ZBTB48: variants seen among roughly 807,000 people sequenced by gnomAD.
ZBTB48 encodes the protein zinc finger and BTB domain containing 48, also known as zinc finger and BTB domain-containing protein 48.
Under a neutral mutation model 64.5 loss-of-function variants are expected in ZBTB48, and 35 were observed. That is an observed-to-expected ratio of 0.54 (90% CI 0.41 to 0.72). The LOEUF (loss-of-function observed/expected upper bound fraction) is 0.72. Ranked by LOEUF, ZBTB48 falls within the 30% of genes least tolerant of loss-of-function variation. The pLI is 0.00. For synonymous variants in ZBTB48, 442 were observed against 356.7 expected (o/e 1.24, Z -2.70); for missense variants, 828 against 895.3 (o/e 0.92, Z 0.96).
At chr1:6,588,501 G>C (rs753551765) in intron 9 of ZBTB48, 59 bp downstream of exon 9, 514 of 1,459,518 alleles carry the variant, frequency 3.5e-4, no homozygotes, top group Non-Finnish European at 4.4e-4. Flanking sequence ...GGGTCTCTGA[G>C]GAGGAAACGC....
chr1:6,583,857 A>G (rs1334376491), intron 3 of ZBTB48, among the ~76,000 whole-genome samples: 1 of 134,778 alleles, frequency 7.4e-6, no homozygotes, highest in Non-Finnish European at 1.6e-5. Context: ...TAAGCTCACT[A>G]CAACCTCTGC....
intron 3 of ZBTB48, chr1:6,585,335 G>C (rs915220071): frequency 6.5e-6 from 1 of 154,286 alleles, no homozygotes; most frequent in African/African-American, 2.4e-5. Context: ...AAGCAGGCAA[G>C]GGGAGGGCTG....
chr1:6,581,011 C>A lies in ZBTB48; in HGVS notation c.402C>A (p.Ala134=), dbSNP rs757506774. 56 of 1,613,328 alleles carry A rather than the reference C, an allele frequency of 3.5e-5. No homozygotes were observed. The highest frequency in any genetic ancestry group is 4.6e-5 in the Non-Finnish European group (54 of 1,180,024). ...GCCAGAGTGGGCTGGGGCCCCCTGC[C>A]TCCCAGAATGTGAACAGCCACGTCA... ...AGGQSGLGPP[A]SQNVNSHVKE... The change falls in exon 2 of 11, where the codon GCC becomes GCA. Residue 134 remains alanine (A), a synonymous_variant. Transcript: ENST00000377674.
intron 3 of ZBTB48, among the ~76,000 whole-genome samples, chr1:6,582,889 C>G (rs1030916623): frequency 1.3e-5 from 2 of 152,186 alleles, no homozygotes; most frequent in Non-Finnish European, 2.9e-5. Flanking sequence ...AGGCTGGTCT[C>G]AAACTCCTGG....
chr1:6,586,675 C>A lies in ZBTB48; in HGVS notation c.1045-20C>A. 6.5e-7 allele frequency: 1 copy of A among 1,528,020 alleles called. No individual in the cohort carries two copies. The allele number at this position is 1,528,020 out of a possible 1,614,324, so 94.7% of individuals were successfully genotyped here. ...GAGGCCCCCGCTGATGCCGGCCCTGCTTGCCCCTCACACTGCCAGGTCTTC... is the reference window on the plus strand; with the variant it reads ...GAGGCCCCCGCTGATGCCGGCCCTGATTGCCCCTCACACTGCCAGGTCTTC... On this transcript the variant is annotated intron_variant, in intron 4 of 10. Transcript: ENST00000377674.
At chr1:6,586,977 G>C (rs1158595212) in intron 5 of ZBTB48, 190 bp downstream of exon 5, 5 of 875,646 alleles carry the variant, frequency 5.7e-6, no homozygotes, top group Non-Finnish European at 9.3e-6. Context: ...TCACCTCCAA[G>C]GTCCTTATTA....
intron 3 of ZBTB48, among the ~76,000 whole-genome samples, chr1:6,585,128 G>C (rs1318011717): frequency 6.6e-6 from 1 of 152,126 alleles, no homozygotes; most frequent in East Asian, 1.9e-4. Context: ...AAGTAGCCAG[G>C]GTCTCTAGAG....
intron 3 of ZBTB48, among the ~76,000 whole-genome samples, chr1:6,583,927 G>A (rs1004781637): frequency 2.6e-5 from 4 of 151,694 alleles, no homozygotes; most frequent in African/African-American, 7.3e-5. Flanking sequence ...TTACAGGCAC[G>A]CGCCACCACA....
At chr1:6,588,523 C>CT in intron 9 of ZBTB48, 81 bp downstream of exon 9, 1 of 1,451,376 alleles carries the variant, frequency 6.9e-7, no homozygotes, top group Non-Finnish European at 9.1e-7. Flanking sequence ...CCTTTCTTGC[C>CT]TGTGAACCTC....
At chr1:6,587,450 T>TCCC (rs1317321860) in intron 6 of ZBTB48, 28 bp from the exon 7 acceptor site, 2 of 1,613,240 alleles carry the variant, frequency 1.2e-6, no homozygotes, top group Non-Finnish European at 1.7e-6. Context: ...CCCTGGTCCC[T>TCCC]CCCTCTGCCT....
Position 6,584,042 on chromosome 1 carries a change from A to G in ZBTB48, c.932+1743A>G, listed in dbSNP as rs1640572352. ...TGTGATCCACCTGCCTCAGCCTCCCAAAGTGCTGGGATTACAGGCGTGAGC... is the reference window on the plus strand; with the variant it reads ...TGTGATCCACCTGCCTCAGCCTCCCGAAGTGCTGGGATTACAGGCGTGAGC... On this transcript the variant is annotated intron_variant, in intron 3 of 10. Transcript: ENST00000377674. This position sits in a 1 kb window ranked among gnomAD's most constrained non-coding sequence, Gnocchi z 4.5. 6.6e-6 allele frequency among the ~76,000 whole-genome samples: 1 copy of G among 152,002 alleles called. No individual in the cohort carries two copies. The highest frequency in any genetic ancestry group is 6.6e-5 in the Admixed American group (1 of 15,262).
At chr1:6,586,833 A>T (rs1464976564) in intron 5 of ZBTB48, 46 bp downstream of exon 5, 1 of 1,583,156 alleles carries the variant, frequency 6.3e-7, no homozygotes, top group Non-Finnish European at 8.6e-7. Flanking sequence ...TGGCCCCAGG[A>T]TCCTTCCTGC....
rs143981973 is a variant in ZBTB48, at chr1:6,586,006, G to T, written c.1020G>T (p.Arg340=). ...RKENLLEHEA[R]NCMNRSEQVF... ...AGAACCTCCTGGAGCATGAAGCCCG[G>T]AATTGCATGAACCGCTCGGAACAGG... Residue 340 remains arginine (R), a synonymous_variant, in exon 4 of 11, where the codon CGG becomes CGT. Transcript: ENST00000377674. 2.5e-6 allele frequency: 4 copies of T among 1,614,140 alleles called. No individual in the cohort carries two copies. In the African/African-American group the frequency reaches 5.3e-5, roughly 22 times the overall value.
Position 6,588,506 on chromosome 1 carries a change from A to G in ZBTB48, c.1681+64A>G, listed in dbSNP as rs1235850995. On this transcript the variant is annotated intron_variant, in intron 9 of 10. Coordinates refer to ENST00000377674, the MANE Select transcript of ZBTB48 (RefSeq NM_005341.4). The stretch of plus-strand genomic sequence containing the variant: ...CCGAGTTGGAGGGTCTCTGAGGAGG[A>G]AACGCTCCTTTCTTGCCTGTGAACC... The G allele has an allele frequency of 1.2e-5, 17 of 1,457,130 alleles. No individual in the cohort carries two copies. The East Asian group carries it at 2.2e-4, about 19-fold the overall frequency. The allele number at this position is 1,457,130 out of a possible 1,614,324, so 90.3% of individuals were successfully genotyped here.
Position 6,588,453 on chromosome 1 carries a change from G to A in ZBTB48, c.1681+11G>A, listed in dbSNP as rs376292007. On this transcript the variant is annotated intron_variant, in intron 9 of 10. Transcript: ENST00000377674. ...GCAAGACCTTCAAAGGTACCTGGGC[G>A]GCCCTGGGAGAGCCATTTCCTGCTC... 25 of 1,501,458 alleles carry A rather than the reference G, an allele frequency of 1.7e-5. No individual in the cohort carries two copies. The highest frequency in any genetic ancestry group is 2.8e-5 in the African/African-American group (2 of 71,276). 93.0% of individuals were successfully genotyped at this position (1,501,458 alleles called of 1,614,324 possible). A position where few individuals can be genotyped will look rare whatever the true frequency, so the allele number is the denominator to read the frequency against.
chr1:6,585,848 G>T, intron 3 of ZBTB48, 71 bp from the exon 4 acceptor site: 5 of 1,482,186 alleles, frequency 3.4e-6, no homozygotes, highest in Non-Finnish European at 4.7e-6. Flanking sequence ...AAGGGACCCA[G>T]AGGGGGCCCT....
intron 2 of ZBTB48, 28 bp downstream of exon 2, chr1:6,581,327 G>C: frequency 6.4e-7 from 1 of 1,553,210 alleles, no homozygotes; most frequent in Non-Finnish European, 8.7e-7. Flanking sequence ...TTGGGACTGG[G>C]GAGACAAATA....
Position 6,585,939 on chromosome 1 carries a change from C to G in ZBTB48, c.953C>G (p.Pro318Arg), listed in dbSNP as rs750292577. 1.6e-5 allele frequency: 26 copies of G among 1,613,976 alleles called. No individual in the cohort carries two copies. Among genetic ancestry groups the G allele is most frequent in the East Asian group, 6.7e-5 (3 of 44,896 alleles). Residue 318 changes from proline (P) to arginine (R), a missense_variant, in exon 4 of 11, where the codon CCC becomes CGC. Pro to Arg is a moderately radical substitution (Grantham distance 103). Coordinates refer to ENST00000377674, the MANE Select transcript of ZBTB48 (RefSeq NM_005341.4). ...VHNRKHTGEK[P>R]FECPKCGKCY... Reference sequence around the variant, plus strand: ...GGCAGGAAACATACTGGGGAGAAACCCTTTGAGTGTCCCAAATGTGGGAAG... The same window carrying G: ...GGCAGGAAACATACTGGGGAGAAACGCTTTGAGTGTCCCAAATGTGGGAAG...
chr1:6,582,274 A>C lies in ZBTB48; in HGVS notation c.907A>C (p.Lys303Gln). The C allele has an allele frequency of 6.2e-7, 1 of 1,612,524 alleles. No homozygotes were observed. The highest frequency in any genetic ancestry group is 8.5e-7 in the Non-Finnish European group (1 of 1,178,712). Reference sequence around the variant, plus strand: ...CACATGTCATAAAAAGTTCCTCAGCAAATATTATCTAAAAGTCCACAACAG... The same window carrying C: ...CACATGTCATAAAAAGTTCCTCAGCCAATATTATCTAAAAGTCCACAACAG... ...CPTCHKKFLS[K>Q]YYLKVHNRKH... The change falls in exon 3 of 11, where the codon AAA (lysine) becomes CAA (glutamine). Residue 303 changes from lysine (K) to glutamine (Q), a missense_variant. Lys to Gln is a moderately conservative substitution (Grantham distance 53, BLOSUM62 1). Transcript: ENST00000377674.
Sources: gnomAD v4.1 joint callset for allele counts (sites outside exome capture counted in the v4.1 genomes callset) on GRCh38, gnomAD v4.1.1 for gene constraint, Gnocchi (gnomAD v3.1) non-coding constraint, MANE v1.5 for transcripts, NCBI Gene and HGNC (gene_info 2026-07-23, HGNC 2026-07-21) for gene names.